Variants in DLC1 observed in about 807,000 individuals in gnomAD.
DLC1 encodes rho GTPase-activating protein 7.
A neutral mutation model predicts 140.3 loss-of-function variants in DLC1; 54 were observed. That is an observed-to-expected ratio of 0.38 (90% confidence interval 0.31 to 0.48). The LOEUF (loss-of-function observed/expected upper bound fraction) is 0.48. Among genes scored for constraint, DLC1 ranks in the 20% least tolerant of loss-of-function variants. DLC1 has a pLI of 0.96. For missense variants in DLC1, 2,536 were observed against 1,907.0 expected, an observed-to-expected ratio of 1.33 and a Z score of -6.14; for synonymous variants, 986 against 728.1, an observed-to-expected ratio of 1.35 and a Z score of -5.70.
chr8:13,245,556 T>C (rs1200802952), intron 5 of DLC1, among the ~76,000 whole-genome samples: 1 of 152,214 alleles, frequency 6.6e-6, no homozygotes, highest in Non-Finnish European at 1.5e-5. Flanking sequence ...TGGGAACACA[T>C]TCTAAATGAG....
intron 5 of DLC1, among the ~76,000 whole-genome samples, chr8:13,188,180 T>C (rs1486318662): frequency 6.7e-6 from 1 of 149,352 alleles, no homozygotes; most frequent in Non-Finnish European, 1.5e-5. Context: ...GTCTCCTGTG[T>C]TCAAGTGATT....
intron 4 of DLC1, among the ~76,000 whole-genome samples, chr8:13,335,331 A>G (rs1445995142): frequency 6.6e-6 from 1 of 152,184 alleles, no homozygotes; most frequent in African/African-American, 2.4e-5. Context: ...TCAACTATAA[A>G]CTACTTTTTT....
intron 1 of DLC1, among the ~76,000 whole-genome samples, chr8:13,556,594 A>G (rs1186777302): frequency 6.6e-6 from 1 of 152,130 alleles, no homozygotes; most frequent in African/African-American, 2.4e-5. Flanking sequence ...GGTCATAAGC[A>G]TGGACCAAAT....
rs34886200 is a variant in DLC1, at chr8:13,122,802, GAA to G, written c.1349-7147_1349-7146del. Among the ~76,000 whole-genome samples, 27 of 120,686 alleles carry G rather than the reference GAA, an allele frequency of 2.2e-4. 1 individual carries two copies. In the East Asian group the frequency reaches 6.0e-3, roughly 27 times the overall value. 79.2% of individuals were successfully genotyped at this position (120,686 alleles called of 152,430 possible). ...TCCAAACATCTGCTATGCATAGTCT[GAA>G]AAAAAAAAAAAAAACAAGAAGCTTC... On this transcript the variant is annotated intron_variant, in intron 5 of 17. Coordinates refer to ENST00000276297, the MANE Select transcript of DLC1 (RefSeq NM_182643.3).
At chr8:13,216,816 A>G (rs1828221761) in intron 5 of DLC1, among the ~76,000 whole-genome samples, 1 of 152,136 alleles carries the variant, frequency 6.6e-6, no homozygotes, top group South Asian at 2.1e-4. Context: ...GTGATAATCA[A>G]AAATATCTCT....
chr8:13,230,593 T>C (rs1210879194), intron 5 of DLC1, among the ~76,000 whole-genome samples: 4 of 150,144 alleles, frequency 2.7e-5, no homozygotes, highest in African/African-American at 7.5e-5. Flanking sequence ...CTTTTTTCTT[T>C]TTTCTTTTTT....
At chr8:13,178,461 A>G (rs1421614135) in intron 5 of DLC1, among the ~76,000 whole-genome samples, 1 of 151,494 alleles carries the variant, frequency 6.6e-6, no homozygotes, top group Admixed American at 6.6e-5. Flanking sequence ...AGTTCCACCT[A>G]CTCAGGAGGC....
chr8:13,571,018 A>C (rs1294798453), intron 1 of DLC1, among the ~76,000 whole-genome samples: 2 of 152,166 alleles, frequency 1.3e-5, no homozygotes, highest in Non-Finnish European at 2.9e-5. Context: ...ACCCACCAGA[A>C]GTATTTCTGT....
chr8:13,187,303 G>C (rs1349908424), intron 5 of DLC1, among the ~76,000 whole-genome samples: 3 of 152,136 alleles, frequency 2.0e-5, no homozygotes, highest in Non-Finnish European at 4.4e-5. Flanking sequence ...TGTGTCCCTG[G>C]AGCATAAGAA....
At chr8:13,552,269 A>G (rs1803894066) in intron 1 of DLC1, among the ~76,000 whole-genome samples, 1 of 148,706 alleles carries the variant, frequency 6.7e-6, no homozygotes, top group Admixed American at 6.7e-5. Flanking sequence ...ATATATACCT[A>G]TATACAAGGT....
intron 2 of DLC1, among the ~76,000 whole-genome samples, chr8:13,485,329 A>G (rs922986649): frequency 1.3e-5 from 2 of 152,232 alleles, no homozygotes; most frequent in African/African-American, 4.8e-5. Flanking sequence ...TAGGCTTAAA[A>G]TGACTTCAAT....
intron 5 of DLC1, among the ~76,000 whole-genome samples, chr8:13,123,293 G>A (rs951950121): frequency 3.3e-5 from 5 of 151,956 alleles, no homozygotes; most frequent in Middle Eastern, 3.4e-3. Context: ...CAGCCACACC[G>A]GCCTCCTCTC....
At chr8:13,101,047 G>C (rs1819043556) in intron 8 of DLC1, 2 of 375,072 alleles carry the variant, frequency 5.3e-6, no homozygotes, top group Admixed American at 4.5e-5. Context: ...AAGCTACTGT[G>C]CCCAGCCCCA....
chr8:13,129,727 G>A (rs7829204), intron 5 of DLC1, among the ~76,000 whole-genome samples: 1 of 152,130 alleles, frequency 6.6e-6, no homozygotes, highest in South Asian at 2.1e-4. Context: ...GTCTGGATGC[G>A]AGTCACACCA....
chr8:13,508,885 A>ATAAT, intron 1 of DLC1, among the ~76,000 whole-genome samples: 1 of 152,300 alleles, frequency 6.6e-6, no homozygotes, highest in African/African-American at 2.4e-5. Context: ...TCATTAATGA[A>ATAAT]TAATTATCTT....
chr8:13,493,478 T>C (rs1801357495), intron 2 of DLC1, among the ~76,000 whole-genome samples: 2 of 152,202 alleles, frequency 1.3e-5, no homozygotes, highest in Non-Finnish European at 2.9e-5. Context: ...GATGTTTTGA[T>C]ACATACAATG....
chr8:13,110,789 CTT>C lies in DLC1; in HGVS notation c.1453_1454del (p.Lys485GlufsTer4). The C allele has an allele frequency of 6.2e-7, 1 of 1,614,124 alleles. No individual in the cohort carries two copies. Among genetic ancestry groups the C allele is most frequent in the African/African-American group, 1.3e-5 (1 of 75,052 alleles). On this transcript the variant is annotated frameshift_variant, in exon 7 of 18. Transcript: ENST00000276297. LOFTEE classifies it high-confidence loss of function. ...FLFPIDISLV[K>X]REHDFLDRDA... ...CTCTGTCCAAAAAATCATGCTCTCTCTTGACCAAGGAAATATCGATGGGGAAC... is the reference window on the plus strand; with the variant it reads ...CTCTGTCCAAAAAATCATGCTCTCTCGACCAAGGAAATATCGATGGGGAAC...
At chr8:13,101,206 C>T (rs1429431365) in intron 8 of DLC1, among the ~76,000 whole-genome samples, 10 of 152,170 alleles carry the variant, frequency 6.6e-5, no homozygotes, top group East Asian at 1.9e-4. Flanking sequence ...CCACAGTGCC[C>T]GGTGTTTTGT....
At chr8:13,478,177 C>T (rs751572765) in intron 2 of DLC1, among the ~76,000 whole-genome samples, 2 of 152,008 alleles carry the variant, frequency 1.3e-5, no homozygotes, top group African/African-American at 4.8e-5. Context: ...CTCAGGGAGG[C>T]CTTAGGAAGC....
Sources: allele counts gnomAD v4.1 joint callset (sites outside exome capture counted in the v4.1 genomes callset), GRCh38; gene constraint gnomAD v4.1.1; transcripts MANE v1.5; gene names NCBI Gene and HGNC (gene_info 2026-07-23, HGNC 2026-07-21).